MYO16: variants seen among roughly 807,000 people sequenced by gnomAD.
MYO16 encodes unconventional myosin-XVI.
A neutral mutation model predicts 205.3 loss-of-function variants in MYO16; 94 were observed. That is an observed-to-expected ratio of 0.46 (90% CI 0.39 to 0.54). MYO16 has a LOEUF of 0.54. Among genes scored for constraint, MYO16 ranks in the 20% least tolerant of loss-of-function variants. The pLI, the probability that MYO16 is intolerant of heterozygous loss-of-function variation, is 0.00. For missense variants in MYO16, 2,315 were observed against 2,387.5 expected (o/e 0.97, Z 0.63); for synonymous variants, 988 against 954.0 (o/e 1.04, Z -0.66).
At position 108,709,761 on chromosome 13, in the gene MYO16, T is replaced by C. The variant is rs1446597943; in HGVS notation, c.293-2900T>C. 2.2e-5 allele frequency among the ~76,000 whole-genome samples: 3 copies of C among 135,564 alleles called. 1 individual carries two copies. Among genetic ancestry groups the C allele is most frequent in the Non-Finnish European group, 4.9e-5 (3 of 61,790 alleles). The allele number at this position is 135,564 out of a possible 152,430, so 88.9% of individuals were successfully genotyped here. ...AGCCATAGAATTTAGTTCACACTAC[T>C]ATCTTTATATGCGAAGAATAACCTA... On this transcript the variant is annotated intron_variant, in intron 2 of 34. Transcript: ENST00000457511.
chr13:109,150,374 T>C (rs1016397502), intron 32 of MYO16, among the ~76,000 whole-genome samples: 2 of 152,174 alleles, frequency 1.3e-5, no homozygotes, highest in African/African-American at 4.8e-5. Context: ...ATTGCTCTCG[T>C]GACTATGCTG....
the MYO16 span, among the ~76,000 whole-genome samples, chr13:108,562,036 C>A: frequency 1.3e-5 from 2 of 152,162 alleles, no homozygotes; most frequent in African/African-American, 4.8e-5. Context: ...TCTGTCTTAT[C>A]TTGGGCTGCT....
intron 16 of MYO16, among the ~76,000 whole-genome samples, chr13:108,953,095 A>T (rs1883217302): frequency 6.6e-6 from 1 of 152,196 alleles, no homozygotes; most frequent in Non-Finnish European, 1.5e-5. Context: ...AAACTGTTAA[A>T]AAACAAAAAA....
chr13:108,641,695 C>G (rs1352224573), intron 1 of MYO16, among the ~76,000 whole-genome samples: 1 of 152,144 alleles, frequency 6.6e-6, no homozygotes, highest in African/African-American at 2.4e-5. Context: ...AGATTGAACC[C>G]CTTCCACACA....
chr13:109,128,106 A>G (rs1399792340), intron 31 of MYO16, among the ~76,000 whole-genome samples: 1 of 152,258 alleles, frequency 6.6e-6, no homozygotes, highest in Non-Finnish European at 1.5e-5. Context: ...ATCAGTAATG[A>G]GACAATTACT....
At chr13:109,118,683 C>T (rs998131243) in intron 28 of MYO16, among the ~76,000 whole-genome samples, 3 of 152,120 alleles carry the variant, frequency 2.0e-5, no homozygotes, top group Admixed American at 1.3e-4. Flanking sequence ...ATGTTCCCTC[C>T]TTTCCAATGC....
At chr13:109,173,976 A>T (rs1466069032) in intron 33 of MYO16, among the ~76,000 whole-genome samples, 1 of 144,614 alleles carries the variant, frequency 6.9e-6, no homozygotes, top group Non-Finnish European at 1.5e-5. Flanking sequence ...CTGTTTTGGA[A>T]AAGTGTACCT....
intron 24 of MYO16, chr13:109,048,409 AT>A (rs932595533): frequency 0.033 from 16,489 of 495,606 alleles, 1 homozygote; most frequent in South Asian, 0.053. Context: ...GAGGTGTCAG[AT>A]TTTTTTTTTT....
In MYO16 at chr13:109,202,269, GGA is replaced by G. The variant is rs151105966; in HGVS notation, c.5416-4339_5416-4338del. Among the ~76,000 whole-genome samples the G allele has an allele frequency of 5.2e-3, 787 of 152,188 alleles. 20 individuals carry two copies. The East Asian group carries it at 0.088, about 17-fold the overall frequency. On this transcript the variant is annotated intron_variant, in intron 34 of 34. Transcript: ENST00000457511. ...GGTAATTCTACTTTTAGTTCCTTAT[GGA>G]ATCTCCATGCTGTTTTCCATAGTGG... is the stretch of plus-strand genomic sequence containing the variant.
intron 4 of MYO16, among the ~76,000 whole-genome samples, chr13:108,745,821 G>A (rs1053539457): frequency 4.6e-5 from 7 of 152,138 alleles, no homozygotes; most frequent in Admixed American, 1.3e-4. Flanking sequence ...AGAGATGGAC[G>A]ATGTAAGCAG....
At chr13:108,848,091 A>G (rs1877618638) in intron 10 of MYO16, among the ~76,000 whole-genome samples, 1 of 152,174 alleles carries the variant, frequency 6.6e-6, no homozygotes, top group South Asian at 2.1e-4. Context: ...CCTCATGTGC[A>G]AAATGGGTAC....
intron 1 of MYO16, among the ~76,000 whole-genome samples, chr13:108,654,448 C>T (rs747747409): frequency 8.5e-5 from 13 of 152,288 alleles, no homozygotes; most frequent in Non-Finnish European, 1.2e-4. Flanking sequence ...GATTCTGAGG[C>T]GTCCCCAGCC....
intron 33 of MYO16, among the ~76,000 whole-genome samples, chr13:109,178,612 C>T (rs1879324595): frequency 6.6e-6 from 1 of 152,100 alleles, no homozygotes; most frequent in Admixed American, 6.5e-5. Context: ...CTCTTTTTGT[C>T]TATTCATGTT....
intron 15 of MYO16, among the ~76,000 whole-genome samples, chr13:108,903,655 T>C (rs1880823310): frequency 6.6e-6 from 1 of 152,186 alleles, no homozygotes; most frequent in African/African-American, 2.4e-5. Context: ...CTGAACACTT[T>C]AAGAAGCTAT....
At chr13:109,112,453 A>AT (rs939614931) in intron 28 of MYO16, among the ~76,000 whole-genome samples, 3 of 152,156 alleles carry the variant, frequency 2.0e-5, no homozygotes, top group Admixed American at 2.0e-4. Flanking sequence ...AGTTGAAAAT[A>AT]TTTAAGATTT....
At position 109,141,678 on chromosome 13, in the gene MYO16, T is replaced by A. The variant is rs140958286; in HGVS notation, c.5164+302T>A. 2.2e-3 allele frequency among the ~76,000 whole-genome samples: 331 copies of A among 152,344 alleles called. No homozygotes were observed. Among genetic ancestry groups the A allele is most frequent in the African/African-American group, 7.7e-3 (321 of 41,582 alleles). The stretch of plus-strand genomic sequence containing the variant: ...ATGTTCGACAGAGCAAGGTTAAATG[T>A]TAGCTACTAATTTCTTTTTTTAAAA... On this transcript the variant is annotated intron_variant, in intron 32 of 34. Transcript: ENST00000457511. This position sits in a 1 kb window ranked among gnomAD's most constrained non-coding sequence, Gnocchi z 4.1.
intron 6 of MYO16, among the ~76,000 whole-genome samples, chr13:108,796,584 T>C (rs1471073921): frequency 6.6e-6 from 1 of 151,974 alleles, no homozygotes; most frequent in African/African-American, 2.4e-5. Context: ...ATACTATGCA[T>C]CCATAAAAAA....
intron 12 of MYO16, among the ~76,000 whole-genome samples, chr13:108,876,529 T>C (rs984673220): frequency 1.3e-5 from 2 of 152,210 alleles, no homozygotes; most frequent in South Asian, 2.1e-4. Context: ...GCAGTGATAA[T>C]GGTTATCTTG....
chr13:108,781,629 T>A (rs919928620), intron 4 of MYO16, among the ~76,000 whole-genome samples: 4 of 152,184 alleles, frequency 2.6e-5, no homozygotes, highest in African/African-American at 9.7e-5. Context: ...GCTCTGGCTC[T>A]TTTACTGTCT....
Sources: gnomAD v4.1 joint callset for allele counts (sites outside exome capture counted in the v4.1 genomes callset) on GRCh38, gnomAD v4.1.1 for gene constraint, Gnocchi (gnomAD v3.1) non-coding constraint, MANE v1.5 for transcripts, NCBI Gene and HGNC (gene_info 2026-07-23, HGNC 2026-07-21) for gene names.